RNF17: variants seen among roughly 807,000 people sequenced by gnomAD.
RNF17 encodes the protein ring finger protein 17.
In RNF17, 31 loss-of-function variants were observed where a neutral mutation model predicts 200.5. The observed-to-expected ratio is 0.15, with a 90% CI of 0.12 to 0.21. RNF17 has a LOEUF of 0.21. RNF17 is among the 10% of genes least tolerant of loss of function. The probability of loss-of-function intolerance (pLI) is 1.00; values close to 1 mark genes in which losing one functional copy is unlikely to be tolerated. For missense variants in RNF17, 1,628 were observed against 1,905.1 expected (o/e 0.85, Z 2.71); for synonymous variants, 606 against 637.8 (o/e 0.95, Z 0.75).
intron 11 of RNF17, among the ~76,000 whole-genome samples, chr13:24,797,000 AC>A (rs1884657572): frequency 6.6e-6 from 1 of 152,172 alleles, no homozygotes; most frequent in Non-Finnish European, 1.5e-5. Context: ...CATCTGTGTA[AC>A]TTTTCAGAAT....
chr13:24,882,727 G>T (rs549323011), downstream of RNF17: 1 of 168,236 alleles, frequency 5.9e-6, no homozygotes, highest in Admixed American at 5.9e-5. Flanking sequence ...AGATCAAATG[G>T]TCTAATTTTG....
At chr13:24,761,879 A>G (rs1878772590), upstream of RNF17, among the ~76,000 whole-genome samples, 1 of 152,190 alleles carries the variant, frequency 6.6e-6, no homozygotes, top group Non-Finnish European at 1.5e-5. Context: ...TCTCTGATGA[A>G]ACTCAAGACC....
chr13:24,782,204 C>T (rs1358435587), intron 6 of RNF17, among the ~76,000 whole-genome samples: 1 of 152,078 alleles, frequency 6.6e-6, no homozygotes, highest in Non-Finnish European at 1.5e-5. Flanking sequence ...GAGACAGGGT[C>T]TTGCTCTGTT....
At chr13:24,882,325 T>C (rs1217113140), downstream of RNF17, 1 of 151,804 alleles carries the variant, frequency 6.6e-6, no homozygotes, top group Non-Finnish European at 1.5e-5. Flanking sequence ...TCACCTGGAA[T>C]TGATAGATTT....
chr13:24,766,354 C>T (rs1879693539), intron 1 of RNF17, among the ~76,000 whole-genome samples: 1 of 152,076 alleles, frequency 6.6e-6, no homozygotes, highest in Admixed American at 6.5e-5. Context: ...AAAATGACAA[C>T]CTTTTGAAAT....
chr13:24,804,632 T>C (rs1464863943), intron 15 of RNF17, among the ~76,000 whole-genome samples: 1 of 152,174 alleles, frequency 6.6e-6, no homozygotes, highest in Non-Finnish European at 1.5e-5. Context: ...TGAAGGATAA[T>C]TAATGTATAA....
intron 2 of RNF17, among the ~76,000 whole-genome samples, chr13:24,772,609 CTT>C (rs986274279): frequency 1.4e-5 from 2 of 143,680 alleles, no homozygotes; most frequent in Non-Finnish European, 3.1e-5. Flanking sequence ...ACAGACACTT[CTT>C]TTTTTTTTTT....
chr13:24,789,328 A>ATT lies in RNF17; in HGVS notation c.784-11_784-10dup. 11 of 1,390,018 alleles carry ATT rather than the reference A, an allele frequency of 7.9e-6. No homozygotes were observed. Among genetic ancestry groups the ATT allele is most frequent in the South Asian group, 1.3e-5 (1 of 79,562 alleles). 86.1% of individuals were successfully genotyped at this position (1,390,018 alleles called of 1,614,324 possible). ...TTGTGACAAGATTCACACATGAATG[A>ATT]TTTTTTTTTTAAATTCTAGATTATC... On this transcript the variant is annotated intron_variant, in intron 7 of 35. Transcript: ENST00000255324.
chr13:24,807,967 G>T (rs560706534), intron 15 of RNF17, among the ~76,000 whole-genome samples: 172 of 151,220 alleles, frequency 1.1e-3, no homozygotes, highest in African/African-American at 4.0e-3. Flanking sequence ...GATATGCGGC[G>T]TTATTTCTGA....
chr13:24,884,943 C>T, the RNF17 span, among the ~76,000 whole-genome samples: 3 of 152,180 alleles, frequency 2.0e-5, no homozygotes, highest in South Asian at 2.1e-4. Context: ...AGTTTTCCCA[C>T]TAAGAAACTT....
intron 15 of RNF17, among the ~76,000 whole-genome samples, chr13:24,821,568 A>G (rs1241480093): frequency 1.3e-5 from 2 of 151,688 alleles, no homozygotes; most frequent in African/African-American, 2.4e-5. Flanking sequence ...CGATATTTAA[A>G]TTTTCCTATC....
chr13:24,764,346 A>C lies in RNF17; in HGVS notation c.130+13A>C. 1 of 1,581,840 alleles carries C rather than the reference A, an allele frequency of 6.3e-7. No individual in the cohort carries two copies. Among genetic ancestry groups the C allele is most frequent in the Non-Finnish European group, 8.6e-7 (1 of 1,161,712 alleles). On this transcript the variant is annotated intron_variant, in intron 1 of 35. Coordinates refer to ENST00000255324, the MANE Select transcript of RNF17 (RefSeq NM_031277.3). ...TCCAGATCATCCGGTGAGGAGCCCA[A>C]GGGCCCACCTAGCGGGGAGGCAGCC...
At chr13:24,798,518 T>C (rs1192634525) in intron 11 of RNF17, among the ~76,000 whole-genome samples, 2 of 152,176 alleles carry the variant, frequency 1.3e-5, no homozygotes, top group African/African-American at 4.8e-5. Context: ...ATATAATCAG[T>C]GATCAGAATT....
chr13:24,886,606 G>GCAGA, the RNF17 span, among the ~76,000 whole-genome samples: 1 of 152,298 alleles, frequency 6.6e-6, no homozygotes, highest in African/African-American at 2.4e-5. Context: ...GGGGCAGATG[G>GCAGA]CAGACAAGGC....
intron 34 of RNF17, among the ~76,000 whole-genome samples, chr13:24,878,387 A>C (rs1459424020): frequency 6.6e-6 from 1 of 152,210 alleles, no homozygotes; most frequent in African/African-American, 2.4e-5. Context: ...TATAAGGATA[A>C]GCAGAACCAT....
At chr13:24,861,183 T>C in intron 26 of RNF17, 85 bp from the exon 27 acceptor site, 1 of 1,207,324 alleles carries the variant, frequency 8.3e-7, no homozygotes, top group East Asian at 2.8e-5. Flanking sequence ...CCGGCCTGTC[T>C]TTTTTTCTAA....
chr13:24,859,288 C>T (rs1892843634), intron 26 of RNF17, 124 bp downstream of exon 26: 1 of 697,322 alleles, frequency 1.4e-6, no homozygotes, highest in Non-Finnish European at 2.1e-6. Context: ...GTAGGAAGAT[C>T]AGTTATATTG....
downstream of RNF17, among the ~76,000 whole-genome samples, chr13:24,880,329 C>T (rs1209418306): frequency 1.3e-5 from 2 of 152,202 alleles, no homozygotes; most frequent in African/African-American, 2.4e-5. Flanking sequence ...GAAACCACCC[C>T]CGTGATCTGA....
At chr13:24,798,053 C>A (rs971750634) in intron 11 of RNF17, among the ~76,000 whole-genome samples, 1 of 152,124 alleles carries the variant, frequency 6.6e-6, no homozygotes, top group Non-Finnish European at 1.5e-5. Flanking sequence ...CCCACTACCA[C>A]TATGACTGCC....
Sources: allele counts gnomAD v4.1 joint callset (sites outside exome capture counted in the v4.1 genomes callset), GRCh38; gene constraint gnomAD v4.1.1; transcripts MANE v1.5; gene names NCBI Gene and HGNC (gene_info 2026-07-23, HGNC 2026-07-21).